OPCML: variants seen among roughly 807,000 people sequenced by gnomAD.
OPCML encodes the protein opioid binding protein/cell adhesion molecule like.
Under a neutral mutation model 37.8 loss-of-function variants are expected in OPCML, and 13 were observed. The ratio of observed to expected loss-of-function variants is 0.34; its 90% CI spans 0.22 to 0.55. The LOEUF is 0.55. Among genes scored for constraint, OPCML ranks in the 20% least tolerant of loss-of-function variants. The pLI is 0.91. For synonymous variants in OPCML, 176 were observed against 168.8 expected, an observed-to-expected ratio of 1.04 and a Z score of -0.33; for missense variants, 341 against 435.6, an observed-to-expected ratio of 0.78 and a Z score of 1.93.
chr11:132,463,115 C>A (rs1003790286), intron 4 of OPCML, among the ~76,000 whole-genome samples: 3 of 152,204 alleles, frequency 2.0e-5, no homozygotes, highest in African/African-American at 7.2e-5. Flanking sequence ...TGCCTCAAGT[C>A]TCTTCTCCCA....
chr11:132,653,729 C>A (rs114008771), intron 3 of OPCML, among the ~76,000 whole-genome samples: 3 of 152,150 alleles, frequency 2.0e-5, no homozygotes, highest in African/African-American at 7.2e-5. Flanking sequence ...GTCTCTCAGG[C>A]GCTCCCATGG....
chr11:133,012,065 T>C (rs997883650), intron 1 of OPCML, among the ~76,000 whole-genome samples: 1 of 152,216 alleles, frequency 6.6e-6, no homozygotes, highest in African/African-American at 2.4e-5. Flanking sequence ...AATGGTTCTC[T>C]ACTGGGGACA....
At chr11:132,447,248 C>T (rs1334257412) in intron 4 of OPCML, among the ~76,000 whole-genome samples, 1 of 152,146 alleles carries the variant, frequency 6.6e-6, no homozygotes, top group African/African-American at 2.4e-5. Context: ...TGGGTGGACC[C>T]ATAGTTAGGT....
chr11:133,356,184 C>G (rs1944285034), intron 1 of OPCML, among the ~76,000 whole-genome samples: 1 of 152,172 alleles, frequency 6.6e-6, no homozygotes, highest in South Asian at 2.1e-4. Flanking sequence ...CTATCTCTCT[C>G]TCTCTCACCA....
At chr11:133,217,040 T>C (rs1232495990) in intron 1 of OPCML, among the ~76,000 whole-genome samples, 1 of 152,190 alleles carries the variant, frequency 6.6e-6, no homozygotes, top group Non-Finnish European at 1.5e-5. Flanking sequence ...TGCAGATTGT[T>C]GCTAAAGACT....
chr11:133,113,142 C>A (rs985629), intron 1 of OPCML, among the ~76,000 whole-genome samples: 25 of 152,144 alleles, frequency 1.6e-4, no homozygotes, highest in Middle Eastern at 3.4e-3. Flanking sequence ...TGCAAAAAAG[C>A]CATCCTTTAT....
At chr11:133,327,725 T>C (rs1943508449) in intron 1 of OPCML, among the ~76,000 whole-genome samples, 1 of 152,162 alleles carries the variant, frequency 6.6e-6, no homozygotes, top group Non-Finnish European at 1.5e-5. Context: ...TCCACTTCCT[T>C]TGATAGGCAG....
chr11:133,419,204 G>A, intron 1 of OPCML: 1 of 981,062 alleles, frequency 1.0e-6, no homozygotes, highest in Non-Finnish European at 1.2e-6. Context: ...CTGTGCAACG[G>A]GCCAGGAGAC....
At chr11:132,497,466 G>A (rs1487601821) in intron 4 of OPCML, among the ~76,000 whole-genome samples, 2 of 152,050 alleles carry the variant, frequency 1.3e-5, no homozygotes, top group East Asian at 3.9e-4. Context: ...CAGGCTGTGG[G>A]TACAGGAAAT....
chr11:133,025,112 G>A (rs370314605), intron 1 of OPCML: 9 of 715,108 alleles, frequency 1.3e-5, no homozygotes, highest in South Asian at 1.3e-4. Context: ...TTCATAGGGA[G>A]GAAAATGGGA....
chr11:132,437,932 C>T (rs1046323842), intron 4 of OPCML, among the ~76,000 whole-genome samples: 15 of 152,074 alleles, frequency 9.9e-5, no homozygotes, highest in Admixed American at 5.9e-4. Flanking sequence ...AATGAATGAA[C>T]GAGGAAGGAC....
intron 1 of OPCML, among the ~76,000 whole-genome samples, chr11:133,410,972 C>T (rs1945639408): frequency 6.6e-6 from 1 of 152,156 alleles, no homozygotes; most frequent in African/African-American, 2.4e-5. Flanking sequence ...TACCCAATAC[C>T]TCCCATTGCT....
intron 1 of OPCML, among the ~76,000 whole-genome samples, chr11:133,487,586 C>T (rs1259025741): frequency 6.6e-6 from 1 of 152,062 alleles, no homozygotes; most frequent in East Asian, 1.9e-4. Flanking sequence ...TTCTTTTATT[C>T]ATCTGCTTAT....
At chr11:132,796,512 T>G (rs1008780464) in intron 2 of OPCML, among the ~76,000 whole-genome samples, 4 of 151,170 alleles carry the variant, frequency 2.6e-5, no homozygotes, top group African/African-American at 9.7e-5. Flanking sequence ...ATAGGAGAAT[T>G]CAAATTTCTC....
chr11:132,473,816 ACT>A (rs139860660), intron 4 of OPCML, among the ~76,000 whole-genome samples: 4,459 of 152,066 alleles, frequency 0.029, 199 homozygotes, highest in African/African-American at 0.099. Flanking sequence ...ACAGAGTGAA[ACT>A]CTGTCACACA....
At chr11:133,514,461 C>T (rs1040788900) in intron 1 of OPCML, among the ~76,000 whole-genome samples, 8 of 152,204 alleles carry the variant, frequency 5.3e-5, no homozygotes, top group Admixed American at 4.6e-4. Context: ...CCTTCCTCCT[C>T]GTCTGGAGTG....
At chr11:132,757,300 C>T (rs1030905880) in intron 2 of OPCML, among the ~76,000 whole-genome samples, 13 of 152,170 alleles carry the variant, frequency 8.5e-5, no homozygotes, top group African/African-American at 2.9e-4. Context: ...ATACATAATA[C>T]TTTGGGTATA....
chr11:132,781,578 C>CCA (rs541472030), intron 2 of OPCML, among the ~76,000 whole-genome samples: 3,245 of 149,122 alleles, frequency 0.022, 50 homozygotes, highest in Non-Finnish European at 0.035. Flanking sequence ...GTATATACAC[C>CCA]CACACACACA....
chr11:133,293,727 A>G (rs1235468239), intron 1 of OPCML, among the ~76,000 whole-genome samples: 1 of 152,194 alleles, frequency 6.6e-6, no homozygotes, highest in Non-Finnish European at 1.5e-5. Context: ...GATACATCAC[A>G]CAACAGTGAT....
Sources: allele counts gnomAD v4.1 joint callset (sites outside exome capture counted in the v4.1 genomes callset), GRCh38; gene constraint gnomAD v4.1.1; transcripts MANE v1.5; gene names NCBI Gene and HGNC (gene_info 2026-07-23, HGNC 2026-07-21).